CDC42BPA: variants seen among roughly 807,000 people sequenced by gnomAD.
CDC42BPA encodes the protein CDC42 binding protein kinase alpha, also known as serine/threonine-protein kinase MRCK alpha.
CDC42BPA carries 80 observed loss-of-function variants against 223.5 expected under a neutral mutation model. That is an observed-to-expected ratio of 0.36 (90% CI 0.30 to 0.43). The LOEUF (loss-of-function observed/expected upper bound fraction) is 0.43, where lower values mean the gene tolerates loss of function less well. Ranked by LOEUF, CDC42BPA falls within the 20% of genes least tolerant of loss-of-function variation. CDC42BPA has a pLI of 1.00. For synonymous variants in CDC42BPA, 694 were observed against 718.6 expected, an observed-to-expected ratio of 0.97 and a Z score of 0.55; for missense variants, 1,743 against 2,099.9, an observed-to-expected ratio of 0.83 and a Z score of 3.32.
intron 1 of CDC42BPA, among the ~76,000 whole-genome samples, chr1:227,300,324 C>A (rs1691400226): frequency 2.0e-5 from 3 of 152,046 alleles, no homozygotes; most frequent in Admixed American, 2.0e-4. Context: ...GGTATCTACT[C>A]AAAGGAAAAT....
intron 2 of CDC42BPA, among the ~76,000 whole-genome samples, chr1:227,214,146 G>A (rs1445230455): frequency 6.6e-6 from 1 of 151,504 alleles, no homozygotes. Context: ...ACTATATACA[G>A]CAGATCTTCA....
chr1:227,010,962 T>A, intron 34 of CDC42BPA: 1 of 1,364,300 alleles, frequency 7.3e-7, no homozygotes. Context: ...GAGAGAGAAA[T>A]TTTTCAGCAG....
intron 2 of CDC42BPA, among the ~76,000 whole-genome samples, chr1:227,221,671 T>C (rs891182126): frequency 6.6e-6 from 1 of 151,030 alleles, no homozygotes; most frequent in East Asian, 2.0e-4. Flanking sequence ...CAAAGCTGAA[T>C]AAAAAGTTTG....
intron 1 of CDC42BPA, among the ~76,000 whole-genome samples, chr1:227,276,548 G>A (rs1687088865): frequency 6.6e-6 from 1 of 151,160 alleles, no homozygotes; most frequent in South Asian, 2.1e-4. Flanking sequence ...GGGCGCCTCT[G>A]CCCAGCCGCC....
chr1:227,159,792 T>C (rs571846144), intron 6 of CDC42BPA, among the ~76,000 whole-genome samples: 2 of 151,998 alleles, frequency 1.3e-5, no homozygotes, highest in African/African-American at 2.4e-5. Context: ...TCCCAAAGTG[T>C]TGGGATTACA....
In CDC42BPA at chr1:227,005,083, ACT is replaced by A; in HGVS notation, c.4884_4885del (p.Val1629IlefsTer16). ...TGGAATACTGACTGAGCCACTGAAT[ACT>A]GTCCGACTTTCCTGAGGCCGAGGGT... On this transcript the variant is annotated frameshift_variant, in exon 35 of 37. Transcript: ENST00000366766. LOFTEE classifies it high-confidence loss of function. The A allele has an allele frequency of 6.2e-7, 1 of 1,614,010 alleles. No homozygotes were observed. Among genetic ancestry groups the A allele is most frequent in the Non-Finnish European group, 8.5e-7 (1 of 1,179,858 alleles).
At position 227,058,234 on chromosome 1, in the gene CDC42BPA, G is replaced by T. The variant is rs548443395; in HGVS notation, c.2905-6249C>A. Among the ~76,000 whole-genome samples, 39 of 152,268 alleles carry T rather than the reference G, an allele frequency of 2.6e-4. 1 individual carries two copies. The South Asian group carries it at 7.9e-3, about 31-fold the overall frequency. ...TGGCCATAGTACAGGTATCTGAAATGCTTATTCATTATTAAGCTGTAATCC... is the reference window on the plus strand; with the variant it reads ...TGGCCATAGTACAGGTATCTGAAATTCTTATTCATTATTAAGCTGTAATCC... On this transcript the variant is annotated intron_variant, in intron 21 of 36. Transcript: ENST00000366766.
chr1:227,198,284 TAAC>T (rs1671081785), intron 4 of CDC42BPA, among the ~76,000 whole-genome samples: 1 of 151,650 alleles, frequency 6.6e-6, no homozygotes, highest in South Asian at 2.1e-4. Context: ...GACCCCATCT[TAAC>T]AACAACAACA....
At chr1:227,202,183 T>C (rs1671894188) in intron 3 of CDC42BPA, among the ~76,000 whole-genome samples, 1 of 152,074 alleles carries the variant, frequency 6.6e-6, no homozygotes, top group Non-Finnish European at 1.5e-5. Flanking sequence ...GGGGTTTCAC[T>C]GCGTTAGCCA....
In CDC42BPA at chr1:227,187,679, AC is replaced by A. The variant is rs1177264278; in HGVS notation, c.599+6106del. Among the ~76,000 whole-genome samples, 22 of 5,486 alleles carry A rather than the reference AC, an allele frequency of 4.0e-3. 2 individuals carry two copies. The highest frequency in any genetic ancestry group is 6.8e-3 in the East Asian group (2 of 296). The allele number at this position is 5,486 out of a possible 152,430, so 3.6% of individuals were successfully genotyped here. A position where few individuals can be genotyped will look rare whatever the true frequency, so the allele number is the denominator to read the frequency against. On this transcript the variant is annotated intron_variant, in intron 5 of 36. Transcript: ENST00000366766. Reference sequence around the variant, plus strand: ...TCAAGAAGGATAAATGGCACCCCCCACCCCCCCCCCAAAAAAAAAAAACTAT... The same window carrying A: ...TCAAGAAGGATAAATGGCACCCCCCACCCCCCCCCAAAAAAAAAAAACTAT...
intron 5 of CDC42BPA, among the ~76,000 whole-genome samples, chr1:227,176,271 T>C (rs1180641445): frequency 6.6e-6 from 1 of 152,154 alleles, no homozygotes; most frequent in Non-Finnish European, 1.5e-5. Context: ...TATCTTCAAT[T>C]CAAATTCACG....
At chr1:227,230,815 TC>T (rs1222461888) in intron 2 of CDC42BPA, among the ~76,000 whole-genome samples, 21,400 of 71,670 alleles carry the variant, frequency 0.3, 2,732 homozygotes, top group South Asian at 0.42. Flanking sequence ...CTTTTTTCTT[TC>T]TTTCTTTTTT....
chr1:227,303,847 T>G (rs764240372), intron 1 of CDC42BPA, among the ~76,000 whole-genome samples: 13 of 152,194 alleles, frequency 8.5e-5, no homozygotes, highest in Non-Finnish European at 1.5e-4. Flanking sequence ...ATAGTGTTAG[T>G]GAATTGCAGA....
At position 227,268,076 on chromosome 1, in the gene CDC42BPA, A is replaced by C. The variant is rs188174685; in HGVS notation, c.179-13921T>G. 1.6e-3 allele frequency among the ~76,000 whole-genome samples: 251 copies of C among 152,334 alleles called. 3 individuals are homozygous for C. The highest frequency in any genetic ancestry group is 3.4e-3 in the Middle Eastern group (1 of 294). ...AGATAAAATGTAATCTCTGAAAAGT[A>C]ACATTTTTTTAAGTTCACCTTAAAA... On this transcript the variant is annotated intron_variant, in intron 1 of 36. Coordinates refer to ENST00000366766, the MANE Select transcript of CDC42BPA (RefSeq NM_001394014.1).
chr1:227,275,644 T>C (rs987142503), intron 1 of CDC42BPA, among the ~76,000 whole-genome samples: 1 of 139,788 alleles, frequency 7.2e-6, no homozygotes. Context: ...GGTCTCCCTC[T>C]GATGCCAAGC....
At chr1:227,052,429 A>C (rs77695866) in intron 21 of CDC42BPA, among the ~76,000 whole-genome samples, 19,642 of 152,188 alleles carry the variant, frequency 0.13, 1,344 homozygotes, top group East Asian at 0.26. Context: ...AGTAAAAAAA[A>C]CCTAACCTAT....
In CDC42BPA at chr1:227,050,548, C is replaced by T. The variant is rs77113214; in HGVS notation, c.3009+1333G>A. ...GATAATAATGAAAAATTGGAAACAA[C>T]CTAAATATCCAACTGCAGGAGAATG... On this transcript the variant is annotated intron_variant, in intron 22 of 36. Coordinates refer to ENST00000366766, the MANE Select transcript of CDC42BPA (RefSeq NM_001394014.1). 7.2e-4 allele frequency among the ~76,000 whole-genome samples: 109 copies of T among 152,122 alleles called. 1 individual carries two copies. Among genetic ancestry groups the T allele is most frequent in the Middle Eastern group, 3.4e-3 (1 of 294 alleles).
At chr1:227,150,004 A>G (rs1339304894) in intron 6 of CDC42BPA, among the ~76,000 whole-genome samples, 1 of 152,076 alleles carries the variant, frequency 6.6e-6, no homozygotes, top group Non-Finnish European at 1.5e-5. Context: ...CGGGTGTTTC[A>G]CTTGAGCTCA....
chr1:227,177,759 A>G (rs1667217541), intron 5 of CDC42BPA, among the ~76,000 whole-genome samples: 1 of 152,098 alleles, frequency 6.6e-6, no homozygotes, highest in South Asian at 2.1e-4. Flanking sequence ...TATTGTCTCT[A>G]TTCTCTCTAC....
Sources: allele counts gnomAD v4.1 joint callset (sites outside exome capture counted in the v4.1 genomes callset), GRCh38; gene constraint gnomAD v4.1.1; transcripts MANE v1.5; gene names NCBI Gene and HGNC (gene_info 2026-07-23, HGNC 2026-07-21).